The following PCDH11Y variants were observed in gnomAD, a reference collection of about 807,000 sequenced individuals.
PCDH11Y encodes protocadherin-11 Y-linked.
For synonymous variants in PCDH11Y, 9 were observed against 83.6 expected (o/e 0.11, Z 4.87); for missense variants, 12 against 224.8 (o/e 0.05, Z 6.05).
At chrY:5,108,071 A>C, downstream of PCDH11Y, among the ~76,000 whole-genome samples, 2 of 25,113 alleles carry the variant, frequency 8.0e-5, no homozygotes, top group African/African-American at 6.6e-4. Flanking sequence ...AAAAAAAAAA[A>C]AAACAAAAAA....
intron 4 of PCDH11Y, among the ~76,000 whole-genome samples, chrY:5,719,272 T>C (rs2053592638): frequency 3.0e-5 from 1 of 33,768 alleles, no homozygotes; most frequent in African/African-American, 1.1e-4. Context: ...TTCATAAGTA[T>C]TGAGAAGCCA....
chrY:5,325,035 A>G (rs2053117318), intron 2 of PCDH11Y, among the ~76,000 whole-genome samples: 1 of 32,620 alleles, frequency 3.1e-5, no homozygotes, highest in African/African-American at 1.2e-4. Flanking sequence ...TGAGCCAGGA[A>G]AAGGACTTTC....
At chrY:5,043,389 A>T (rs1234656396) in intron 3 of PCDH11Y, among the ~76,000 whole-genome samples, 7 of 31,057 alleles carry the variant, frequency 2.3e-4, no homozygotes, top group African/African-American at 9.2e-4. Context: ...TTGTCTTTGG[A>T]TCTGTTTATA....
chrY:5,697,392 C>T, intron 4 of PCDH11Y, among the ~76,000 whole-genome samples: 2 of 30,769 alleles, frequency 6.5e-5, no homozygotes, highest in African/African-American at 2.6e-4. Context: ...AACAAACCTG[C>T]ACGTTCTGCA....
intron 4 of PCDH11Y, among the ~76,000 whole-genome samples, chrY:5,667,999 A>G (rs2053546465): frequency 3.0e-5 from 1 of 32,916 alleles, no homozygotes; most frequent in African/African-American, 1.2e-4. Flanking sequence ...AAAAAGGTAC[A>G]CTTGTTTTTC....
intron 2 of PCDH11Y, among the ~76,000 whole-genome samples, chrY:5,421,047 A>AATAC (rs2053257472): frequency 1.1e-3 from 19 of 17,495 alleles, no homozygotes; most frequent in African/African-American, 6.3e-3. Context: ...CTCTACTAAA[A>AATAC]ATACACACAC....
chrY:5,232,129 GGTGGTCTACTGACCTCCACCCCT>G (rs2052968689), intron 2 of PCDH11Y, among the ~76,000 whole-genome samples: 1 of 33,154 alleles, frequency 3.0e-5, no homozygotes, highest in African/African-American at 1.2e-4. Flanking sequence ...GAGCTCACTT[GGTGGTCTACTGACCTCCACCCCT>G]GTGGCCTGAT....
At chrY:5,110,160 A>G (rs2052801570), downstream of PCDH11Y, among the ~76,000 whole-genome samples, 1 of 34,022 alleles carries the variant, frequency 2.9e-5, no homozygotes, top group Non-Finnish European at 7.3e-5. Flanking sequence ...GGCCAGGCGC[A>G]GTAACTCTCA....
At chrY:5,197,542 C>T (rs1298131218) in intron 2 of PCDH11Y, among the ~76,000 whole-genome samples, 10 of 30,715 alleles carry the variant, frequency 3.3e-4, no homozygotes, top group African/African-American at 1.2e-3. Flanking sequence ...ATGTTTATTG[C>T]GGCATTATTC....
chrY:5,103,879 C>T (rs2052783263), downstream of PCDH11Y, among the ~76,000 whole-genome samples: 1 of 31,703 alleles, frequency 3.2e-5, no homozygotes, highest in Admixed American at 3.0e-4. Context: ...ATACAATTCA[C>T]CCATTAAATA....
At chrY:5,193,341 C>G in intron 2 of PCDH11Y, among the ~76,000 whole-genome samples, 1 of 33,561 alleles carries the variant, frequency 3.0e-5, no homozygotes, top group African/African-American at 1.2e-4. Flanking sequence ...GTGCATGTAT[C>G]TTTTAAGAAG....
intron 3 of PCDH11Y, among the ~76,000 whole-genome samples, chrY:5,508,701 C>A: frequency 3.0e-5 from 1 of 32,824 alleles, no homozygotes; most frequent in African/African-American, 1.2e-4. Flanking sequence ...ATTCATGAAA[C>A]CTTTTCAGCA....
At chrY:5,741,249 A>G (rs2053617124) in exon 5 of PCDH11Y, 1 of 25,645 alleles carries the variant, frequency 3.9e-5, no homozygotes, top group Non-Finnish European at 8.9e-5. Context: ...TTTATCACAC[A>G]TGGTCATTAA....
At chrY:5,654,721 G>A (rs2053534820) in intron 4 of PCDH11Y, among the ~76,000 whole-genome samples, 2 of 32,482 alleles carry the variant, frequency 6.2e-5, no homozygotes, top group Non-Finnish European at 1.5e-4. Flanking sequence ...AGACACCGGG[G>A]CATATGGGAA....
intron 2 of PCDH11Y, among the ~76,000 whole-genome samples, chrY:5,224,629 A>C: frequency 3.0e-5 from 1 of 32,869 alleles, no homozygotes; most frequent in Non-Finnish European, 7.5e-5. Flanking sequence ...TAGGTAAGAA[A>C]GTAACGATTA....
intron 2 of PCDH11Y, among the ~76,000 whole-genome samples, chrY:5,232,302 G>A: frequency 3.0e-5 from 1 of 33,168 alleles, no homozygotes. Flanking sequence ...AGCCTCACCT[G>A]GAGCCAGCCC....
At chrY:5,661,654 A>G in intron 4 of PCDH11Y, among the ~76,000 whole-genome samples, 1 of 33,027 alleles carries the variant, frequency 3.0e-5, no homozygotes, top group Non-Finnish European at 7.4e-5. Flanking sequence ...TTTATGTTAT[A>G]TTGTTGGAAC....
rs1602908816 is a variant in PCDH11Y at position 5,346,322 on chromosome Y, C to T, written c.3130-154735C>T. Among the ~76,000 whole-genome samples, 5 of 32,241 alleles carry T rather than the reference C, an allele frequency of 1.6e-4. No homozygotes were observed. The South Asian group carries it at 2.1e-3, about 14-fold the overall frequency. The allele number at this position is 32,241 out of a possible 37,273, so 86.5% of individuals were successfully genotyped here. On this transcript the variant is annotated intron_variant, in intron 2 of 4. Transcript: ENST00000400457. Reference sequence around the variant, plus strand: ...TCGGCTCACTGCAACCTCCACCTTCCGTGTTCAAGCGATTCTCCTGCCTCG... The same window carrying T: ...TCGGCTCACTGCAACCTCCACCTTCTGTGTTCAAGCGATTCTCCTGCCTCG...
intron 2 of PCDH11Y, among the ~76,000 whole-genome samples, chrY:5,420,936 T>A: frequency 3.4e-5 from 1 of 29,083 alleles, no homozygotes; most frequent in African/African-American, 1.4e-4. Context: ...GACCAGGCGC[T>A]GTGGTTCACA....
Sources: gnomAD v4.1 joint callset for allele counts (sites outside exome capture counted in the v4.1 genomes callset) on GRCh38, gnomAD v4.1.1 for gene constraint, MANE v1.5 for transcripts, NCBI Gene and HGNC (gene_info 2026-07-23, HGNC 2026-07-21) for gene names.